Variants in ITPR1 observed in about 807,000 individuals in gnomAD.
The protein encoded by ITPR1 is inositol 1,4,5-trisphosphate receptor type 1.
Under a neutral mutation model 318.4 loss-of-function variants are expected in ITPR1, and 96 were observed. That is an observed-to-expected ratio of 0.30 (90% CI 0.26 to 0.36). The LOEUF is 0.36. Among genes scored for constraint, ITPR1 ranks in the 10% least tolerant of loss-of-function variants. The probability of loss-of-function intolerance (pLI) is 1.00; values close to 1 mark genes in which losing one functional copy is unlikely to be tolerated. For synonymous variants in ITPR1, 1,312 were observed against 1,289.9 expected (o/e 1.02, Z -0.37); for missense variants, 2,440 against 3,460.2 (o/e 0.71, Z 7.40).
intron 14 of ITPR1, 28 bp downstream of exon 14, chr3:4,661,115 T>C: frequency 1.5e-6 from 2 of 1,325,084 alleles, no homozygotes; most frequent in Non-Finnish European, 2.2e-6. Flanking sequence ...CCTGTCTCCT[T>C]TTGGTCTCGT....
intron 5 of ITPR1, among the ~76,000 whole-genome samples, chr3:4,629,607 T>A (rs2092950594): frequency 6.6e-6 from 1 of 152,234 alleles, no homozygotes; most frequent in Admixed American, 6.5e-5. Context: ...AAATAATTAC[T>A]GAATAATGAA....
chr3:4,740,665 T>C (rs2125328908), intron 44 of ITPR1, among the ~76,000 whole-genome samples: 1 of 152,244 alleles, frequency 6.6e-6, no homozygotes, highest in East Asian at 1.9e-4. Flanking sequence ...CATCTTTTCT[T>C]CCTGCCCCGG....
At chr3:4,651,579 T>C (rs1470532004) in intron 10 of ITPR1, among the ~76,000 whole-genome samples, 2 of 152,230 alleles carry the variant, frequency 1.3e-5, no homozygotes, top group Non-Finnish European at 1.5e-5. Flanking sequence ...GTTTTCTAGT[T>C]GTCTATGGCA....
chr3:4,728,635 T>G (rs2042693136), intron 42 of ITPR1, among the ~76,000 whole-genome samples: 1 of 152,236 alleles, frequency 6.6e-6, no homozygotes, highest in Non-Finnish European at 1.5e-5. Context: ...TGTACAATTA[T>G]GTTATTGTTG....
In ITPR1 at chr3:4,642,284, C is replaced by T. The variant is rs137943587; in HGVS notation, c.525+33C>T. ...CGGATTCTCCACCTAGAAAGTCTTC[C>T]GTGCCATGCTTCCAAGCATGACTGT... On this transcript the variant is annotated intron_variant, in intron 7 of 61. Transcript: ENST00000649015. The T allele has an allele frequency of 1.3e-4, 185 of 1,465,510 alleles. 2 individuals carry two copies. In the East Asian group the frequency reaches 3.6e-3, roughly 28 times the overall value. 90.8% of individuals were successfully genotyped at this position (1,465,510 alleles called of 1,614,324 possible). A position where few individuals can be genotyped will look rare whatever the true frequency, so the allele number is the denominator to read the frequency against.
intron 4 of ITPR1, among the ~76,000 whole-genome samples, chr3:4,623,530 CAT>C (rs1223419297): frequency 2.0e-5 from 3 of 152,150 alleles, no homozygotes; most frequent in African/African-American, 7.2e-5. Flanking sequence ...TATGTACACA[CAT>C]GTGTTCTCCT....
chr3:4,518,949 G>T (rs73807277), intron 3 of ITPR1, among the ~76,000 whole-genome samples: 1,954 of 152,250 alleles, frequency 0.013, 38 homozygotes, highest in African/African-American at 0.045. Flanking sequence ...GGATTCTTGG[G>T]CCTCATCCTA....
At chr3:4,788,912 T>C (rs1015117298) in intron 52 of ITPR1, among the ~76,000 whole-genome samples, 1 of 152,178 alleles carries the variant, frequency 6.6e-6, no homozygotes, top group Admixed American at 6.5e-5. Context: ...TTCTGAGGGG[T>C]AGACCTGGGG....
chr3:4,542,001 CT>C (rs1287597412), intron 4 of ITPR1, among the ~76,000 whole-genome samples: 4 of 152,122 alleles, frequency 2.6e-5, no homozygotes, highest in Non-Finnish European at 5.9e-5. Context: ...TTCTTCTCAT[CT>C]TTGTTTACTA....
intron 44 of ITPR1, among the ~76,000 whole-genome samples, chr3:4,748,821 T>C (rs1298760210): frequency 6.6e-6 from 1 of 152,236 alleles, no homozygotes; most frequent in Non-Finnish European, 1.5e-5. Flanking sequence ...GGTTGTATAT[T>C]GTCACATACA....
intron 10 of ITPR1, among the ~76,000 whole-genome samples, chr3:4,651,632 A>G (rs1225043478): frequency 6.6e-6 from 1 of 152,202 alleles, no homozygotes; most frequent in Non-Finnish European, 1.5e-5. Flanking sequence ...TATGGCACCA[A>G]CTACCACTGC....
chr3:4,667,428 G>C lies in ITPR1; in HGVS notation c.1765G>C (p.Val589Leu). 6.2e-7 allele frequency: 1 copy of C among 1,613,334 alleles called. No homozygotes were observed. The highest frequency in any genetic ancestry group is 8.5e-7 in the Non-Finnish European group (1 of 1,179,600). ...CATGCAGAAGCAGATTGGCTATGATGTGTTGGCTGAAGACACTATCACTGC... is the reference window on the plus strand; with the variant it reads ...CATGCAGAAGCAGATTGGCTATGATCTGTTGGCTGAAGACACTATCACTGC... ...GFMQKQIGYDVLAEDTITALL... is the reference protein window; with the variant it reads ...GFMQKQIGYDLLAEDTITALL... Residue 589 changes from valine to leucine, a missense_variant, in exon 18 of 62, where the codon GTG becomes CTG. This residue lies in a region of ITPR1 where 478 missense variants were observed against 696.3 expected (regional missense o/e 0.69). Transcript: ENST00000649015.
chr3:4,632,929 CTTTTTTTTTTT>C (rs1156474451), intron 5 of ITPR1, among the ~76,000 whole-genome samples: 71 of 66,032 alleles, frequency 1.1e-3, no homozygotes, highest in African/African-American at 4.7e-3. Context: ...ACTTTCAGGT[CTTTTTTTTTTT>C]TTTTTTTTTT....
At chr3:4,561,705 G>A (rs1485454003) in intron 4 of ITPR1, among the ~76,000 whole-genome samples, 3 of 151,810 alleles carry the variant, frequency 2.0e-5, no homozygotes, top group African/African-American at 4.8e-5. Flanking sequence ...TCGTAGCATT[G>A]GTTTGTAATA....
At chr3:4,603,995 T>C (rs1276273228) in intron 4 of ITPR1, among the ~76,000 whole-genome samples, 2 of 152,182 alleles carry the variant, frequency 1.3e-5, no homozygotes, top group East Asian at 1.9e-4. Flanking sequence ...ACATCTGTCT[T>C]CTTTTTAAAT....
intron 52 of ITPR1, among the ~76,000 whole-genome samples, chr3:4,791,362 G>T (rs1166077563): frequency 6.6e-6 from 1 of 152,200 alleles, no homozygotes; most frequent in Non-Finnish European, 1.5e-5. Context: ...ATGATTTGGG[G>T]ATGAAACTGT....
intron 4 of ITPR1, 36 bp downstream of exon 4, chr3:4,521,130 C>G (rs1188199086): frequency 3.4e-6 from 5 of 1,455,420 alleles, no homozygotes; most frequent in Non-Finnish European, 4.8e-6. Context: ...GTCACCTTGA[C>G]TCACTTGAAA....
In ITPR1 at chr3:4,512,197, T is replaced by C. The variant is rs539816479; in HGVS notation, c.-16-4279T>C. Among the ~76,000 whole-genome samples, 5 of 152,300 alleles carry C rather than the reference T, an allele frequency of 3.3e-5. No homozygotes were observed. In the South Asian group the frequency reaches 8.3e-4, roughly 25 times the overall value. ...GGGGTCTGGCTGGTCTCAAACTCCT[T>C]GCTTCAAGCCATCCTCCCACCTTGG... On this transcript the variant is annotated intron_variant, in intron 2 of 61. Transcript: ENST00000649015.
At chr3:4,694,252 A>T (rs2094522850) in intron 33 of ITPR1, among the ~76,000 whole-genome samples, 1 of 150,988 alleles carries the variant, frequency 6.6e-6, no homozygotes, top group South Asian at 2.1e-4. Flanking sequence ...CTACTCATAG[A>T]TTATATTGAT....
Sources: gnomAD v4.1 joint callset for allele counts (sites outside exome capture counted in the v4.1 genomes callset) on GRCh38, gnomAD v4.1.1 for gene constraint, gnomAD v4.1.1 regional missense constraint, MANE v1.5 for transcripts, NCBI Gene and HGNC (gene_info 2026-07-23, HGNC 2026-07-21) for gene names.